IMPG1: variants seen among roughly 807,000 people sequenced by gnomAD.
IMPG1 encodes the protein interphotoreceptor matrix proteoglycan of 150 kDa.
IMPG1 carries 85 observed loss-of-function variants against 92.0 expected under a neutral mutation model. The observed-to-expected ratio is 0.92, with a 90% CI of 0.78 to 1.11. The LOEUF (loss-of-function observed/expected upper bound fraction) is 1.11. Ranked by LOEUF, IMPG1 falls within the 50% of genes least tolerant of loss-of-function variation. The pLI is 0.00. For synonymous variants in IMPG1, 367 were observed against 334.1 expected (o/e 1.10, Z -1.08); for missense variants, 1,022 against 956.0 (o/e 1.07, Z -0.91).
At chr6:75,993,456 C>A (rs998610422) in intron 12 of IMPG1, among the ~76,000 whole-genome samples, 1 of 147,246 alleles carries the variant, frequency 6.8e-6, no homozygotes, top group Non-Finnish European at 1.5e-5. Context: ...CCCCACATGG[C>A]GGAAAAGGAG....
At chr6:75,924,126 C>T (rs937097975) in intron 15 of IMPG1, among the ~76,000 whole-genome samples, 1 of 151,698 alleles carries the variant, frequency 6.6e-6, no homozygotes, top group African/African-American at 2.4e-5. Context: ...GAAAAGGGAA[C>T]CTTTATGCCC....
chr6:75,967,147 C>T (rs1782321092), intron 12 of IMPG1, among the ~76,000 whole-genome samples: 1 of 152,004 alleles, frequency 6.6e-6, no homozygotes, highest in South Asian at 2.1e-4. Context: ...CATTGCACTC[C>T]AGCCTGGGTG....
Position 76,068,903 on chromosome 6 carries a change from A to G in IMPG1, c.67+3519T>C, listed in dbSNP as rs567552353. On this transcript the variant is annotated intron_variant, in intron 1 of 16. Transcript: ENST00000369950. ...ATTTTTCACAGAATTAGAAAAAACA[A>G]TACTAATATTCATATGGAACCAAAA... Among the ~76,000 whole-genome samples, 12 of 152,218 alleles carry G rather than the reference A, an allele frequency of 7.9e-5. No homozygotes were observed. The East Asian group carries it at 2.1e-3, about 27-fold the overall frequency.
chr6:75,929,493 G>A (rs1383013853), intron 15 of IMPG1, among the ~76,000 whole-genome samples: 1 of 134,574 alleles, frequency 7.4e-6, no homozygotes, highest in African/African-American at 2.8e-5. Flanking sequence ...GGTGGGAATT[G>A]AACAATGAGA....
chr6:76,003,033 G>A (rs772674590), intron 11 of IMPG1, 37 bp from the exon 12 acceptor site: 2 of 1,492,702 alleles, frequency 1.3e-6, no homozygotes, highest in Admixed American at 3.4e-5. Context: ...TGTTGAGAAA[G>A]GATGTTTGTA....
intron 13 of IMPG1, among the ~76,000 whole-genome samples, chr6:75,949,965 G>A (rs1781996715): frequency 6.6e-6 from 1 of 152,160 alleles, no homozygotes; most frequent in African/African-American, 2.4e-5. Context: ...TATTGTATAT[G>A]TATTTCTTAT....
In IMPG1 at chr6:76,018,711, T is replaced by A; in HGVS notation, c.807+7A>T. 1 of 1,612,836 alleles carries A rather than the reference T, an allele frequency of 6.2e-7. No homozygotes were observed. The highest frequency in any genetic ancestry group is 8.5e-7 in the Non-Finnish European group (1 of 1,179,328). ...GAGGTGTGGTTGTATGGGCCGGGTC[T>A]ACTCACCTGAAGTTGGGACTTTCCT... On this transcript the variant is annotated splice_region_variant and intron_variant, in intron 7 of 16. Transcript: ENST00000369950.
intron 12 of IMPG1, among the ~76,000 whole-genome samples, chr6:75,966,960 C>A (rs1041462035): frequency 6.6e-6 from 1 of 152,080 alleles, no homozygotes; most frequent in African/African-American, 2.4e-5. Flanking sequence ...GGCAGATCAT[C>A]TGAGGTCAGG....
chr6:75,941,196 T>C lies in IMPG1; in HGVS notation c.2044+6118A>G, dbSNP rs76292345. ...AGATAATCCATAAATGTTCACTGCA[T>C]GTATGAGTGAACAGGTACCCAAATC... On this transcript the variant is annotated intron_variant, in intron 14 of 16. Transcript: ENST00000369950. Among the ~76,000 whole-genome samples, 1,808 of 152,320 alleles carry C rather than the reference T, an allele frequency of 0.012. 71 individuals carry two copies. In the East Asian group the frequency reaches 0.14, roughly 12 times the overall value.
intron 14 of IMPG1, among the ~76,000 whole-genome samples, chr6:75,944,694 T>C (rs1781896643): frequency 6.6e-6 from 1 of 152,242 alleles, no homozygotes. Context: ...ACCGAAGTGC[T>C]TAGTGTAACA....
intron 3 of IMPG1, 113 bp from the exon 4 acceptor site, chr6:76,034,456 C>A: frequency 8.2e-7 from 1 of 1,215,354 alleles, no homozygotes; most frequent in East Asian, 2.4e-5. Flanking sequence ...CTGACTGTAC[C>A]ATATTATTTT....
chr6:76,034,099 A>G (rs1239359639), intron 4 of IMPG1, among the ~76,000 whole-genome samples: 1 of 152,254 alleles, frequency 6.6e-6, no homozygotes, highest in African/African-American at 2.4e-5. Context: ...CAAACAATGC[A>G]AATGTCTATC....
Position 76,017,884 on chromosome 6 carries a change from C to G in IMPG1, c.807+834G>C, listed in dbSNP as rs557998939. 1.1e-4 allele frequency among the ~76,000 whole-genome samples: 16 copies of G among 152,246 alleles called. No homozygotes were observed. In the South Asian group the frequency reaches 3.3e-3, roughly 32 times the overall value. On this transcript the variant is annotated intron_variant, in intron 7 of 16. Transcript: ENST00000369950. ...TCTCCTGCCTCAGCCTCCCGAGTAG[C>G]TGGGATTACAGGCGCCCACCACCAC...
intron 1 of IMPG1, among the ~76,000 whole-genome samples, chr6:76,047,132 T>C (rs78213485): frequency 0.015 from 2,269 of 152,270 alleles, 50 homozygotes; most frequent in African/African-American, 0.049. Context: ...ACCACTCTTC[T>C]TTTCTAACAT....
chr6:76,048,172 C>T (rs1323390231), intron 1 of IMPG1, among the ~76,000 whole-genome samples: 1 of 152,144 alleles, frequency 6.6e-6, no homozygotes, highest in East Asian at 1.9e-4. Context: ...AACCCACTGC[C>T]TACCCCTTAC....
At chr6:75,970,234 C>T (rs1452336609) in intron 12 of IMPG1, among the ~76,000 whole-genome samples, 1 of 152,038 alleles carries the variant, frequency 6.6e-6, no homozygotes, top group Non-Finnish European at 1.5e-5. Context: ...TATGCCTTTT[C>T]TAAGTGATTA....
At chr6:76,018,432 T>A (rs1221880549) in intron 7 of IMPG1, among the ~76,000 whole-genome samples, 4 of 152,194 alleles carry the variant, frequency 2.6e-5, no homozygotes, top group Non-Finnish European at 5.9e-5. Flanking sequence ...AATTTTCAAT[T>A]TAATATTTTT....
intron 1 of IMPG1, among the ~76,000 whole-genome samples, chr6:76,066,795 T>C (rs761238456): frequency 1.8e-4 from 27 of 152,110 alleles, no homozygotes; most frequent in African/African-American, 1.4e-4. Context: ...AAACCGTATG[T>C]CAGACCACAA....
chr6:75,929,888 A>G (rs2149449842), intron 15 of IMPG1, among the ~76,000 whole-genome samples: 1 of 152,218 alleles, frequency 6.6e-6, no homozygotes, highest in East Asian at 1.9e-4. Context: ...ACACAGGACC[A>G]TTTGTTGAAA....
Sources: allele counts gnomAD v4.1 joint callset (sites outside exome capture counted in the v4.1 genomes callset), GRCh38; gene constraint gnomAD v4.1.1; transcripts MANE v1.5; gene names NCBI Gene and HGNC (gene_info 2026-07-23, HGNC 2026-07-21).